Variants in NPHS1 observed in about 807,000 individuals in gnomAD.
NPHS1 encodes the protein NPHS1 adhesion molecule, nephrin, also known as nephrin.
In NPHS1, 107 loss-of-function variants were observed where a neutral mutation model predicts 139.7. The ratio of observed to expected loss-of-function variants is 0.77; its 90% CI spans 0.66 to 0.90. The LOEUF (loss-of-function observed/expected upper bound fraction) is 0.90, where lower values mean the gene tolerates loss of function less well. Ranked by LOEUF, NPHS1 falls within the 40% of genes least tolerant of loss-of-function variation. The pLI, the probability that NPHS1 is intolerant of heterozygous loss-of-function variation, is 0.00. For missense variants in NPHS1, 1,580 were observed against 1,654.2 expected, an observed-to-expected ratio of 0.96 and a Z score of 0.78; for synonymous variants, 707 against 706.6, an observed-to-expected ratio of 1.00 and a Z score of -0.01.
chr19:35,851,768 G>A lies in NPHS1; in HGVS notation c.58+12C>T. On this transcript the variant is annotated intron_variant, in intron 1 of 28. Coordinates refer to ENST00000378910, the MANE Select transcript of NPHS1 (RefSeq NM_004646.4). ...CACTTGGCGCTGGGTACAAGGCTGGGATCCCACTCACCTTCAGTCAGCAGC... is the reference window on the plus strand; with the variant it reads ...CACTTGGCGCTGGGTACAAGGCTGGAATCCCACTCACCTTCAGTCAGCAGC... The A allele has an allele frequency of 1.3e-6, 2 of 1,554,522 alleles. No homozygotes were observed. The highest frequency in any genetic ancestry group is 1.7e-6 in the Non-Finnish European group (2 of 1,148,624).
At chr19:35,828,709 T>C (rs1465248113) in intron 28 of NPHS1, among the ~76,000 whole-genome samples, 3 of 152,272 alleles carry the variant, frequency 2.0e-5, no homozygotes, top group Non-Finnish European at 2.9e-5. Context: ...GCATCGTCTA[T>C]GGCTGCTTTT....
At chr19:35,833,891 G>A (rs1382530575) in intron 23 of NPHS1, among the ~76,000 whole-genome samples, 2 of 151,948 alleles carry the variant, frequency 1.3e-5, no homozygotes, top group Admixed American at 1.3e-4. Context: ...TTATAGAGAT[G>A]GGGTTTCACC....
chr19:35,827,546 C>T (rs925753401), intron 28 of NPHS1, among the ~76,000 whole-genome samples: 4 of 152,136 alleles, frequency 2.6e-5, no homozygotes, highest in African/African-American at 7.2e-5. Flanking sequence ...TTCCCCTCCC[C>T]GACTAACTGG....
intron 21 of NPHS1, 32 bp downstream of exon 21, chr19:35,839,464 T>C (rs1417964692): frequency 1.2e-6 from 2 of 1,612,964 alleles, no homozygotes; most frequent in African/African-American, 1.3e-5. Flanking sequence ...CCCTAGCCCA[T>C]TCCCTTCCCT....
Position 35,849,251 on chromosome 19 carries a change from T to A in NPHS1, c.825A>T (p.Thr275=), listed in dbSNP as rs767772136. The A allele has an allele frequency of 1.9e-6, 3 of 1,613,930 alleles. No individual in the cohort carries two copies. The highest frequency in any genetic ancestry group is 1.7e-6 in the Non-Finnish European group (2 of 1,180,028). ...TTGCCCTCACCTTCAGCCACTGCAG[T>A]GTGGCTAAGGGATTACCCCCTCGGG... is the stretch of plus-strand genomic sequence containing the variant. ...CVARGGNPLA[T]LQWLKNGQPV... is the part of the protein sequence containing the mutation. Residue 275 remains threonine, a synonymous_variant, in exon 7 of 29, where the codon ACA becomes ACT. Transcript: ENST00000378910.
chr19:35,848,400 G>A lies in NPHS1; in HGVS notation c.1171-3C>T, dbSNP rs1333397269. On this transcript the variant is annotated splice_polypyrimidine_tract_variant and splice_region_variant and intron_variant, in intron 9 of 28. Coordinates refer to ENST00000378910, the MANE Select transcript of NPHS1 (RefSeq NM_004646.4). Reference sequence around the variant, plus strand: ...GAGATGTGACCGCCATGCAGTCCCTGGCAGGGAGTGAGCTTCAGACGTGGG... The same window carrying A: ...GAGATGTGACCGCCATGCAGTCCCTAGCAGGGAGTGAGCTTCAGACGTGGG... The A allele has an allele frequency of 6.2e-7, 1 of 1,614,146 alleles. No individual in the cohort carries two copies.
chr19:35,834,099 A>G (rs894278845), intron 23 of NPHS1, among the ~76,000 whole-genome samples: 4 of 152,074 alleles, frequency 2.6e-5, no homozygotes, highest in African/African-American at 4.8e-5. Context: ...AATGGTTGCA[A>G]TCATCTCCCA....
In NPHS1 at chr19:35,848,553, T is replaced by C; in HGVS notation, c.1170+84A>G. Reference sequence around the variant, plus strand: ...TCCTCAAGGAGAAAGCCCCCCAGGCTGCTGGACCCACCCCTTCCCTATCCA... The same window carrying C: ...TCCTCAAGGAGAAAGCCCCCCAGGCCGCTGGACCCACCCCTTCCCTATCCA... On this transcript the variant is annotated intron_variant, in intron 9 of 28. Transcript: ENST00000378910. The C allele has an allele frequency of 1.9e-6, 3 of 1,590,316 alleles. No homozygotes were observed. The Admixed American group carries it at 5.2e-5, about 28-fold the overall frequency.
At chr19:35,847,955 G>T (rs1023860679) in intron 11 of NPHS1, 86 bp downstream of exon 11, 12 of 1,417,768 alleles carry the variant, frequency 8.5e-6, no homozygotes, top group Non-Finnish European at 1.1e-5. Context: ...CTTTTTCCAA[G>T]ATTGCCCAAG....
intron 28 of NPHS1, among the ~76,000 whole-genome samples, chr19:35,828,585 T>A (rs1972831520): frequency 6.6e-6 from 1 of 152,138 alleles, no homozygotes; most frequent in South Asian, 2.1e-4. Context: ...TTTTTAATTG[T>A]TGGGAAAAAA....
At chr19:35,837,075 AT>A (rs753026866) in intron 22 of NPHS1, among the ~76,000 whole-genome samples, 7,216 of 130,332 alleles carry the variant, frequency 0.055, 241 homozygotes, top group East Asian at 0.14. Flanking sequence ...AGAAAGAAAA[AT>A]AAACTGAGCC....
At chr19:35,828,828 A>C (rs1364829138) in intron 28 of NPHS1, among the ~76,000 whole-genome samples, 1 of 152,196 alleles carries the variant, frequency 6.6e-6, no homozygotes, top group African/African-American at 2.4e-5. Flanking sequence ...TGCAGCCTCC[A>C]TCTACGCTTT....
rs1324148579 is a variant in NPHS1 at position 35,846,033 on chromosome 19, G to T, written c.1602C>A (p.Ser534Arg). The T allele has an allele frequency of 8.8e-6, 14 of 1,590,066 alleles. No homozygotes were observed. The highest frequency in any genetic ancestry group is 1.2e-5 in the Non-Finnish European group (14 of 1,168,458). The change falls in exon 12 of 29, where the codon AGC (serine) becomes AGA (arginine). Residue 534 changes from serine to arginine, a missense_variant. Transcript: ENST00000378910. ...AKFTCKAGQLSASTQLAVQFP... is the reference protein window; with the variant it reads ...AKFTCKAGQLRASTQLAVQFP... ...ACTGCACCGCCAGCTGCGTGGACGCGCTGAGCTGTCCAGCCTTGCACGTGA... is the reference window on the plus strand; with the variant it reads ...ACTGCACCGCCAGCTGCGTGGACGCTCTGAGCTGTCCAGCCTTGCACGTGA...
At position 35,851,619 on chromosome 19, in the gene NPHS1, G is replaced by GA; in HGVS notation, c.111_112insT (p.Pro38SerfsTer2). On this transcript the variant is annotated frameshift_variant, in exon 2 of 29. Coordinates refer to ENST00000378910, the MANE Select transcript of NPHS1 (RefSeq NM_004646.4). LOFTEE classifies it high-confidence loss of function. ...CCCTCCACCACCGTCAGGTTTTCAGGCAGGGCCCAGAAGCCCCGGGGAACG... is the reference window on the plus strand; with the variant it reads ...CCCTCCACCACCGTCAGGTTTTCAGGACAGGGCCCAGAAGCCCCGGGGAACG... The GA allele has an allele frequency of 1.9e-6, 3 of 1,614,000 alleles. No individual in the cohort carries two copies. The highest frequency in any genetic ancestry group is 2.5e-6 in the Non-Finnish European group (3 of 1,179,994).
intron 28 of NPHS1, among the ~76,000 whole-genome samples, chr19:35,829,864 G>T (rs934715704): frequency 1.6e-4 from 24 of 151,658 alleles, no homozygotes; most frequent in Non-Finnish European, 2.2e-4. Context: ...TAAAGATGGG[G>T]TATTATTGTG....
chr19:35,849,255 G>A lies in NPHS1; in HGVS notation c.821C>T (p.Ala274Val). ...CCTCACCTTCAGCCACTGCAGTGTG[G>A]CTAAGGGATTACCCCCTCGGGCCAC... is the stretch of plus-strand genomic sequence containing the variant. Reference protein sequence around the residue: ...PCVARGGNPLATLQWLKNGQP... With the variant: ...PCVARGGNPLVTLQWLKNGQP... Residue 274 changes from alanine to valine, a missense_variant, in exon 7 of 29, where the codon GCC (alanine) becomes GTC (valine). Ala to Val is a moderately conservative substitution (Grantham distance 64). Coordinates refer to ENST00000378910, the MANE Select transcript of NPHS1 (RefSeq NM_004646.4). 4.3e-6 allele frequency: 7 copies of A among 1,613,862 alleles called. No individual in the cohort carries two copies. The South Asian group carries it at 6.6e-5, about 15-fold the overall frequency.
chr19:35,845,003 C>A lies in NPHS1; in HGVS notation c.1930+365G>T, dbSNP rs117715264. On this transcript the variant is annotated intron_variant, in intron 14 of 28. Transcript: ENST00000378910. This position sits in a 1 kb window ranked among gnomAD's most constrained non-coding sequence, Gnocchi z 5.5. ...AAAAAATCAGCCTAGCATAGTGGCA[C>A]GCGCCTGTAATCCCAGCACTTTGAG... Among the ~76,000 whole-genome samples the A allele has an allele frequency of 6.6e-6, 1 of 152,150 alleles. No homozygotes were observed. Among genetic ancestry groups the A allele is most frequent in the Non-Finnish European group, 1.5e-5 (1 of 68,020 alleles).
At chr19:35,837,026 A>AAAAGAAAAGAAAG (rs1555761159) in intron 22 of NPHS1, among the ~76,000 whole-genome samples, 133 of 131,916 alleles carry the variant, frequency 1.0e-3, no homozygotes, top group African/African-American at 3.7e-3. Flanking sequence ...AAAAGAAAAG[A>AAAAGAAAAGAAAG]AAAGAAAGAA....
At chr19:35,830,506 C>A (rs1284613022) in intron 28 of NPHS1, among the ~76,000 whole-genome samples, 1 of 152,376 alleles carries the variant, frequency 6.6e-6, no homozygotes, top group South Asian at 2.1e-4. Flanking sequence ...AACTCCTGAG[C>A]TCAAGGGATC....
Sources: gnomAD v4.1 joint callset for allele counts (sites outside exome capture counted in the v4.1 genomes callset) on GRCh38, gnomAD v4.1.1 for gene constraint, Gnocchi (gnomAD v3.1) non-coding constraint, MANE v1.5 for transcripts, NCBI Gene and HGNC (gene_info 2026-07-23, HGNC 2026-07-21) for gene names.